Variants in SHANK2 observed in about 807,000 individuals in gnomAD.
SHANK2 encodes SH3 and multiple ankyrin repeat domains 2, also known as SH3 and multiple ankyrin repeat domains protein 2.
In SHANK2, 43 loss-of-function variants were observed where a neutral mutation model predicts 133.7. That is an observed-to-expected ratio of 0.32 (90% CI 0.25 to 0.41). The LOEUF is 0.41. SHANK2 is among the 10% of genes least tolerant of loss of function. SHANK2 has a pLI of 1.00. For synonymous variants in SHANK2, 1,017 were observed against 952.8 expected, an observed-to-expected ratio of 1.07 and a Z score of -1.24; for missense variants, 1,994 against 2,235.8, an observed-to-expected ratio of 0.89 and a Z score of 2.18.
intron 21 of SHANK2, among the ~76,000 whole-genome samples, chr11:70,497,587 A>G (rs1555157407): frequency 2.0e-5 from 3 of 152,104 alleles, no homozygotes; most frequent in Non-Finnish European, 4.4e-5. Context: ...GGCACAGGGA[A>G]AAGGGAGGGG....
intron 17 of SHANK2, chr11:70,633,883 A>C (rs2134104024): frequency 6.6e-6 from 1 of 152,302 alleles, no homozygotes; most frequent in East Asian, 1.9e-4. Context: ...GCAAGAGCTC[A>C]CCTCCATTTA....
intron 15 of SHANK2, among the ~76,000 whole-genome samples, chr11:70,678,402 G>C (rs1161838077): frequency 6.6e-6 from 1 of 152,114 alleles, no homozygotes; most frequent in Non-Finnish European, 1.5e-5. Flanking sequence ...CCAAGGTGCT[G>C]GGATTCCAGG....
At position 70,708,447 on chromosome 11, in the gene SHANK2, G is replaced by T. The variant is rs768631568; in HGVS notation, c.1778-9684C>A. On this transcript the variant is annotated intron_variant, in intron 14 of 25. Transcript: ENST00000601538. ...GACAACCAAGTAACGTCCCCTCCACGTTTCCAATCAGTCCCCGCACTCCCC... is the reference window on the plus strand; with the variant it reads ...GACAACCAAGTAACGTCCCCTCCACTTTTCCAATCAGTCCCCGCACTCCCC... Among the ~76,000 whole-genome samples, 4 of 152,106 alleles carry T rather than the reference G, an allele frequency of 2.6e-5. No homozygotes were observed. In the East Asian group the frequency reaches 7.7e-4, roughly 29 times the overall value.
At chr11:71,244,533 A>G (rs1555124755) in intron 1 of SHANK2, among the ~76,000 whole-genome samples, 1 of 152,164 alleles carries the variant, frequency 6.6e-6, no homozygotes, top group Non-Finnish European at 1.5e-5. Context: ...CTGAGATGGG[A>G]GCTGCTTTTT....
At chr11:70,752,896 G>A (rs547309730) in intron 14 of SHANK2, among the ~76,000 whole-genome samples, 19 of 151,904 alleles carry the variant, frequency 1.3e-4, no homozygotes, top group African/African-American at 4.4e-4. Flanking sequence ...GGCAGATCAC[G>A]TGAGGTCAGG....
intron 17 of SHANK2, among the ~76,000 whole-genome samples, chr11:70,527,170 C>T (rs1206474413): frequency 1.3e-5 from 2 of 152,210 alleles, no homozygotes; most frequent in East Asian, 3.9e-4. Context: ...GGAGGGAGAG[C>T]CCAGAGACCT....
At chr11:70,595,683 C>T (rs2060389795) in intron 17 of SHANK2, among the ~76,000 whole-genome samples, 1 of 152,210 alleles carries the variant, frequency 6.6e-6, no homozygotes, top group African/African-American at 2.4e-5. Context: ...AAGGGGCTTG[C>T]CAGCCCTTCC....
In SHANK2 at chr11:70,485,664, T is replaced by C; in HGVS notation, c.4629A>G (p.Lys1543=). Residue 1543 remains lysine, a synonymous_variant, in exon 25 of 26, where the codon AAA becomes AAG. Transcript: ENST00000601538. The surrounding 1 kb of genome is among the most constrained non-coding windows in gnomAD (Gnocchi z 5.8). ...TTTTTGGCTTAGGAGGTACTGGGGG[T>C]TTGTCAACCATAAATGCTTGCCCAT... ...YADGQAFMVD[K]PPVPPKPKMK... is the part of the protein sequence containing the mutation. The C allele has an allele frequency of 1.2e-6, 2 of 1,614,072 alleles. No individual in the cohort carries two copies. Among genetic ancestry groups the C allele is most frequent in the South Asian group, 2.2e-5 (2 of 91,084 alleles).
At chr11:70,711,833 G>A (rs2134589200) in intron 14 of SHANK2, among the ~76,000 whole-genome samples, 1 of 152,332 alleles carries the variant, frequency 6.6e-6, no homozygotes, top group East Asian at 1.9e-4. Flanking sequence ...CACCTTCTGG[G>A]CTCCCGGGAC....
At chr11:70,712,814 TCA>T (rs1945820917) in intron 14 of SHANK2, among the ~76,000 whole-genome samples, 1 of 152,352 alleles carries the variant, frequency 6.6e-6, no homozygotes, top group African/African-American at 2.4e-5. Context: ...CTTCCTGGAA[TCA>T]CACTGGTTTC....
chr11:70,948,953 C>T lies in SHANK2; in HGVS notation c.1108-52386G>A, dbSNP rs572756555. On this transcript the variant is annotated intron_variant, in intron 10 of 25. Coordinates refer to ENST00000601538, the MANE Select transcript of SHANK2 (RefSeq NM_012309.5). ...GGGTCAGATCCAACCTCCAGACGGC[C>T]GACGGTGAACTTTACACTACGGCTC... Among the ~76,000 whole-genome samples, 5 of 152,198 alleles carry T rather than the reference C, an allele frequency of 3.3e-5. No homozygotes were observed. In the East Asian group the frequency reaches 7.7e-4, roughly 24 times the overall value.
chr11:71,096,507 C>T (rs912049936), intron 6 of SHANK2, among the ~76,000 whole-genome samples: 1 of 152,140 alleles, frequency 6.6e-6, no homozygotes, highest in African/African-American at 2.4e-5. Flanking sequence ...GGCTGAAGCA[C>T]GAGTGTCCGA....
chr11:71,083,688 T>C (rs1385412854), intron 8 of SHANK2, among the ~76,000 whole-genome samples: 1 of 152,004 alleles, frequency 6.6e-6, no homozygotes, highest in African/African-American at 2.4e-5. Context: ...AAACGCAGGG[T>C]CTGGATCCCT....
intron 14 of SHANK2, among the ~76,000 whole-genome samples, chr11:70,789,804 G>A (rs781956107): frequency 3.9e-5 from 6 of 152,202 alleles, no homozygotes; most frequent in Non-Finnish European, 5.9e-5. Context: ...CCTGTCTCTG[G>A]AGGATGGAAA....
chr11:70,745,952 C>G (rs1453764518), intron 14 of SHANK2, among the ~76,000 whole-genome samples: 1 of 152,234 alleles, frequency 6.6e-6, no homozygotes, highest in Non-Finnish European at 1.5e-5. Context: ...ACCATTTGGG[C>G]GCATTTACGG....
chr11:70,565,695 T>C (rs1274533146), intron 17 of SHANK2, among the ~76,000 whole-genome samples: 1 of 152,250 alleles, frequency 6.6e-6, no homozygotes, highest in African/African-American at 2.4e-5. Context: ...TATCATTTAT[T>C]ACCTGGTGTC....
At chr11:70,734,686 C>T (rs1389067281) in intron 14 of SHANK2, among the ~76,000 whole-genome samples, 1 of 152,220 alleles carries the variant, frequency 6.6e-6, no homozygotes, top group Non-Finnish European at 1.5e-5. Flanking sequence ...AGGGGCCCCA[C>T]AGCCTGTGCC....
Position 71,073,162 on chromosome 11 carries a change from TTTC to T in SHANK2, c.1029+1994_1029+1996del, listed in dbSNP as rs1590884751. ...TTTTTCTTTTCTTTTTTTTCTTTTT[TTTC>T]TTTTTTTTTTTGAGATAGAGTCTTG... On this transcript the variant is annotated intron_variant, in intron 9 of 25. Coordinates refer to ENST00000601538, the MANE Select transcript of SHANK2 (RefSeq NM_012309.5). 6.0e-3 allele frequency among the ~76,000 whole-genome samples: 241 copies of T among 40,238 alleles called. 59 individuals carry two copies. The highest frequency in any genetic ancestry group is 0.013 in the East Asian group (23 of 1,712). The allele number at this position is 40,238 out of a possible 152,430, so 26.4% of individuals were successfully genotyped here.
intron 17 of SHANK2, chr11:70,635,283 T>G (rs1555003529): frequency 6.6e-6 from 1 of 152,166 alleles, no homozygotes; most frequent in Non-Finnish European, 1.5e-5. Flanking sequence ...CTATTCATGG[T>G]AGCTAAGAGG....
Sources: gnomAD v4.1 joint callset for allele counts (sites outside exome capture counted in the v4.1 genomes callset) on GRCh38, gnomAD v4.1.1 for gene constraint, Gnocchi (gnomAD v3.1) non-coding constraint, MANE v1.5 for transcripts, NCBI Gene and HGNC (gene_info 2026-07-23, HGNC 2026-07-21) for gene names.